NFATC2: variants seen among roughly 807,000 people sequenced by gnomAD.
NFATC2 encodes the protein nuclear factor of activated T cells 2, also known as nuclear factor of activated T-cells, cytoplasmic 2.
NFATC2 carries 22 observed loss-of-function variants against 87.3 expected under a neutral mutation model. That is an observed-to-expected ratio of 0.25 (90% CI 0.18 to 0.36). The LOEUF (loss-of-function observed/expected upper bound fraction) is 0.36, where lower values mean the gene tolerates loss of function less well. Ranked by LOEUF, NFATC2 falls within the 10% of genes least tolerant of loss-of-function variation. NFATC2 has a pLI of 1.00. For missense variants in NFATC2, 1,149 were observed against 1,259.1 expected, an observed-to-expected ratio of 0.91 and a Z score of 1.32; for synonymous variants, 565 against 542.2, an observed-to-expected ratio of 1.04 and a Z score of -0.58.
chr20:51,505,210 G>T (rs1044889420), intron 3 of NFATC2, among the ~76,000 whole-genome samples: 5 of 151,158 alleles, frequency 3.3e-5, no homozygotes, highest in Non-Finnish European at 7.4e-5. Flanking sequence ...TAGAGACAGG[G>T]TTTCACTGTG....
chr20:51,407,042 G>C (rs564093679), intron 9 of NFATC2, among the ~76,000 whole-genome samples: 4 of 152,266 alleles, frequency 2.6e-5, no homozygotes, highest in African/African-American at 9.6e-5. Flanking sequence ...CTTAGTATAC[G>C]CTATTCACGT....
chr20:51,429,972 A>C (rs550398857), intron 9 of NFATC2, among the ~76,000 whole-genome samples: 1 of 152,152 alleles, frequency 6.6e-6, no homozygotes, highest in East Asian at 1.9e-4. Flanking sequence ...CAGGAGGCCC[A>C]AAAGGGTCTC....
rs766095132 is a variant in NFATC2, at chr20:51,523,457, C to T, written c.784G>A (p.Ala262Thr). Reference protein sequence around the residue: ...RRHSCAEALVALPPGASPQRS... With the variant: ...RRHSCAEALVTLPPGASPQRS... ...TGGGGTGAGGCTCCGGGCGGCAGGGCAACCAAGGCCTCGGCGCACGAATGC... is the reference window on the plus strand; with the variant it reads ...TGGGGTGAGGCTCCGGGCGGCAGGGTAACCAAGGCCTCGGCGCACGAATGC... The change falls in exon 2 of 11, where the codon GCC becomes ACC. Residue 262 changes from alanine to threonine, a missense_variant. Physicochemically the swap from Ala to Thr is moderately conservative, Grantham distance 58. Coordinates refer to ENST00000371564, the MANE Select transcript of NFATC2 (RefSeq NM_012340.5). This position sits in a 1 kb window ranked among gnomAD's most constrained non-coding sequence, Gnocchi z 6.9. 2 of 1,609,636 alleles carry T rather than the reference C, an allele frequency of 1.2e-6. No homozygotes were observed. Among genetic ancestry groups the T allele is most frequent in the East Asian group, 2.2e-5 (1 of 44,780 alleles).
intron 3 of NFATC2, among the ~76,000 whole-genome samples, chr20:51,483,606 TC>T (rs1360166248): frequency 3.7e-5 from 2 of 54,130 alleles, no homozygotes; most frequent in East Asian, 7.0e-4. Context: ...TTCCACCCTC[TC>T]CCCCCCACCA....
rs577945673 is a variant in NFATC2 at position 51,391,262 on chromosome 20, C to T, written c.*234G>A. ...GTGGCGAGCTCCTTAAGTGAGAGTC[C>T]GCTTAGTGCCCATACATTGATCCGC... On this transcript the variant is annotated 3_prime_UTR_variant, in exon 11 of 11. Coordinates refer to ENST00000371564, the MANE Select transcript of NFATC2 (RefSeq NM_012340.5). The T allele has an allele frequency of 3.4e-5, 31 of 911,374 alleles. No homozygotes were observed. Among genetic ancestry groups the T allele is most frequent in the East Asian group, 1.2e-4 (5 of 41,578 alleles). 56.5% of individuals were successfully genotyped at this position (911,374 alleles called of 1,614,324 possible). A position where few individuals can be genotyped will look rare whatever the true frequency, so the allele number is the denominator to read the frequency against.
chr20:51,482,794 CTT>C (rs1042231006), intron 3 of NFATC2, among the ~76,000 whole-genome samples: 1 of 152,226 alleles, frequency 6.6e-6, no homozygotes, highest in African/African-American at 2.4e-5. Context: ...CGCTTTCAGA[CTT>C]TTCTTCCAGG....
intron 1 of NFATC2, among the ~76,000 whole-genome samples, chr20:51,526,464 C>T (rs2076547511): frequency 1.3e-5 from 2 of 152,200 alleles, no homozygotes; most frequent in South Asian, 2.1e-4. Flanking sequence ...CCCAGAGCTC[C>T]GTCAGTGTTG....
intron 3 of NFATC2, among the ~76,000 whole-genome samples, chr20:51,508,367 C>T (rs775002979): frequency 3.2e-4 from 48 of 152,312 alleles, no homozygotes; most frequent in Non-Finnish European, 4.9e-4. Context: ...ACAAGTCCAT[C>T]CTCGACCACT....
intron 3 of NFATC2, among the ~76,000 whole-genome samples, chr20:51,476,207 C>T (rs1988701811): frequency 6.8e-6 from 1 of 147,362 alleles, no homozygotes; most frequent in Non-Finnish European, 1.5e-5. Flanking sequence ...AGGTATATCT[C>T]CTAATGCTAT....
chr20:51,417,142 C>T (rs1237935848), intron 9 of NFATC2, among the ~76,000 whole-genome samples: 1 of 152,178 alleles, frequency 6.6e-6, no homozygotes, highest in East Asian at 1.9e-4. Context: ...AAATCCCTCC[C>T]TTTTCTCAGC....
At chr20:51,400,537 G>C (rs1987911889) in intron 9 of NFATC2, among the ~76,000 whole-genome samples, 1 of 152,168 alleles carries the variant, frequency 6.6e-6, no homozygotes, top group Non-Finnish European at 1.5e-5. Flanking sequence ...CACCTTCTCA[G>C]AGAAATAGAA....
intron 9 of NFATC2, among the ~76,000 whole-genome samples, chr20:51,415,792 T>C (rs2146285976): frequency 6.6e-6 from 1 of 152,326 alleles, no homozygotes; most frequent in East Asian, 1.9e-4. Flanking sequence ...CCGCACTTTA[T>C]CAGCCTCCCT....
In NFATC2 at chr20:51,523,802, C is replaced by A. The variant is rs772861578; in HGVS notation, c.439G>T (p.Ala147Ser). ...VEQPPLAGVA[A>S]SPRFTLPVPG... is the part of the protein sequence containing the mutation. ...ACGGGCAGGGTGAACCTCGGGCTGG[C>A]GGCCACCCCGGCCAGGGGCGGCTGC... Residue 147 changes from alanine to serine, a missense_variant, in exon 2 of 11, where the codon GCC becomes TCC. By Grantham distance (99) the Ala-to-Ser change is moderately conservative (BLOSUM62 1). Around this residue, in one of 3 missense-constraint regions of NFATC2, gnomAD observed 563 missense variants for 585.2 expected, o/e 0.96. Transcript: ENST00000371564. The surrounding 1 kb of genome is among the most constrained non-coding windows in gnomAD (Gnocchi z 6.9). 3 of 1,607,254 alleles carry A rather than the reference C, an allele frequency of 1.9e-6. No individual in the cohort carries two copies. Among genetic ancestry groups the A allele is most frequent in the Non-Finnish European group, 1.7e-6 (2 of 1,176,960 alleles).
intron 1 of NFATC2, among the ~76,000 whole-genome samples, chr20:51,558,655 C>A (rs2076998186): frequency 6.6e-6 from 1 of 152,162 alleles, no homozygotes; most frequent in Non-Finnish European, 1.5e-5. Flanking sequence ...CTTCTACTGC[C>A]TGGGACCCTC....
chr20:51,473,253 G>A (rs530718489), intron 5 of NFATC2, among the ~76,000 whole-genome samples: 155 of 152,176 alleles, frequency 1.0e-3, no homozygotes, highest in Non-Finnish European at 1.5e-3. Context: ...CAGAGAAAGT[G>A]TCCTGCTCAT....
At position 51,493,407 on chromosome 20, in the gene NFATC2, C is replaced by A. The variant is rs3787193; in HGVS notation, c.1333-17747G>T. On this transcript the variant is annotated intron_variant, in intron 3 of 10. Coordinates refer to ENST00000371564, the MANE Select transcript of NFATC2 (RefSeq NM_012340.5). ...TGGGCATAGAATGGGGATTGGCGAC[C>A]TCACATTGCAACTGAGTGATGTGAA... 3.3e-5 allele frequency among the ~76,000 whole-genome samples: 5 copies of A among 151,966 alleles called. No individual in the cohort carries two copies. In the South Asian group the frequency reaches 6.2e-4, roughly 19 times the overall value.
chr20:51,412,258 C>T (rs1979364689), intron 9 of NFATC2, among the ~76,000 whole-genome samples: 1 of 152,216 alleles, frequency 6.6e-6, no homozygotes, highest in Non-Finnish European at 1.5e-5. Context: ...CTGGCACACT[C>T]TGGCATCACA....
intron 6 of NFATC2, among the ~76,000 whole-genome samples, chr20:51,444,327 A>G (rs1254476192): frequency 6.6e-6 from 1 of 151,602 alleles, no homozygotes; most frequent in Non-Finnish European, 1.5e-5. Flanking sequence ...TCAACTCCAG[A>G]AGAAAACCCC....
At position 51,387,373 on chromosome 20, in the gene NFATC2, T is replaced by C. The variant is rs1004993218; in HGVS notation, c.*4123A>G. On this transcript the variant is annotated 3_prime_UTR_variant, in exon 11 of 11. Transcript: ENST00000371564. ...CTTGAACTCAGCAGGGAGTTTATTC[T>C]GGTCAGCCAACAGCTGCATAAAGGT... 1.3e-4 allele frequency: 20 copies of C among 152,212 alleles called. No homozygotes were observed. The highest frequency in any genetic ancestry group is 4.8e-4 in the African/African-American group (20 of 41,454). The allele number at this position is 152,212 out of a possible 1,614,324, so 9.4% of individuals were successfully genotyped here. A position where few individuals can be genotyped will look rare whatever the true frequency, so the allele number is the denominator to read the frequency against.
Sources: allele counts gnomAD v4.1 joint callset (sites outside exome capture counted in the v4.1 genomes callset), GRCh38; gene constraint gnomAD v4.1.1; regional missense constraint gnomAD v4.1.1; non-coding constraint Gnocchi (gnomAD v3.1); transcripts MANE v1.5; gene names NCBI Gene and HGNC (gene_info 2026-07-23, HGNC 2026-07-21).